Variants in CNTN4 observed in about 807,000 individuals in gnomAD.
CNTN4 encodes contactin 4.
A neutral mutation model predicts 122.5 loss-of-function variants in CNTN4; 77 were observed. The observed-to-expected ratio is 0.63, with a 90% CI of 0.52 to 0.76. CNTN4 has a LOEUF of 0.76. Ranked by LOEUF, CNTN4 falls within the 30% of genes least tolerant of loss-of-function variation. CNTN4 has a pLI of 0.00. For synonymous variants in CNTN4, 512 were observed against 447.0 expected (o/e 1.15, Z -1.83); for missense variants, 1,256 against 1,259.1 (o/e 1.00, Z 0.04).
intron 3 of CNTN4, among the ~76,000 whole-genome samples, chr3:2,528,649 G>T (rs1203944677): frequency 6.6e-6 from 1 of 152,098 alleles, no homozygotes; most frequent in Non-Finnish European, 1.5e-5. Flanking sequence ...ATTATAGGTG[G>T]TGGCTAAAGC....
chr3:2,785,656 C>G (rs1343083518), intron 6 of CNTN4, among the ~76,000 whole-genome samples: 1 of 152,174 alleles, frequency 6.6e-6, no homozygotes, highest in African/African-American at 2.4e-5. Context: ...GGAAACTCGA[C>G]AATGAGTGGT....
intron 3 of CNTN4, among the ~76,000 whole-genome samples, chr3:2,365,010 T>C (rs1042860102): frequency 6.6e-6 from 1 of 152,228 alleles, no homozygotes; most frequent in Admixed American, 6.5e-5. Flanking sequence ...AATACAATAC[T>C]TGATATTTCG....
chr3:2,288,533 T>C (rs1169411120), intron 2 of CNTN4, among the ~76,000 whole-genome samples: 1 of 152,140 alleles, frequency 6.6e-6, no homozygotes, highest in Non-Finnish European at 1.5e-5. Context: ...AGGATCGGAT[T>C]CAACATGAGA....
chr3:2,377,351 A>G (rs1421557166), intron 3 of CNTN4, among the ~76,000 whole-genome samples: 1 of 152,084 alleles, frequency 6.6e-6, no homozygotes, highest in Admixed American at 6.6e-5. Flanking sequence ...TCATTATACA[A>G]AGTATTAATA....
At chr3:2,800,317 T>G (rs2092317299) in intron 6 of CNTN4, among the ~76,000 whole-genome samples, 1 of 152,178 alleles carries the variant, frequency 6.6e-6, no homozygotes, top group Admixed American at 6.5e-5. Context: ...CTTTCTTCTC[T>G]CAAAATCTTA....
Position 2,175,907 on chromosome 3 carries a change from G to C in CNTN4, c.-145+75268G>C, listed in dbSNP as rs116829431. Among the ~76,000 whole-genome samples, 262 of 152,250 alleles carry C rather than the reference G, an allele frequency of 1.7e-3. 1 individual carries two copies. The highest frequency in any genetic ancestry group is 6.1e-3 in the African/African-American group (254 of 41,546). Reference sequence around the variant, plus strand: ...AATTCAATGTAAATAAAATAGTAGAGTTAGGAGAAGATTATCTGCCCTCTT... The same window carrying C: ...AATTCAATGTAAATAAAATAGTAGACTTAGGAGAAGATTATCTGCCCTCTT... On this transcript the variant is annotated intron_variant, in intron 2 of 24. Coordinates refer to ENST00000418658, the MANE Select transcript of CNTN4 (RefSeq NM_175607.3).
At chr3:2,400,807 A>G (rs1369940797) in intron 3 of CNTN4, among the ~76,000 whole-genome samples, 3 of 151,458 alleles carry the variant, frequency 2.0e-5, no homozygotes, top group South Asian at 2.1e-4. Context: ...TGTGCATAAT[A>G]GGAGAAATAC....
At chr3:2,390,652 A>G (rs992631877) in intron 3 of CNTN4, among the ~76,000 whole-genome samples, 2 of 152,214 alleles carry the variant, frequency 1.3e-5, no homozygotes, top group African/African-American at 4.8e-5. Context: ...CTATACAGCT[A>G]CTGGTTGATT....
chr3:2,534,537 C>G (rs2077724783), intron 3 of CNTN4, among the ~76,000 whole-genome samples: 1 of 151,964 alleles, frequency 6.6e-6, no homozygotes, highest in Non-Finnish European at 1.5e-5. Flanking sequence ...GGGCTTAGTG[C>G]TTTTTCTGAG....
At position 2,762,937 on chromosome 3, in the gene CNTN4, C is replaced by G. The variant is rs994901898; in HGVS notation, c.358+17240C>G. On this transcript the variant is annotated intron_variant, in intron 6 of 24. Transcript: ENST00000418658. ...TTTTCTAATGATCAGTGATGTCAAG[C>G]TTTTTTTTTTTTTTTTTTTTTTTAG... 4.1e-5 allele frequency among the ~76,000 whole-genome samples: 4 copies of G among 96,446 alleles called. No homozygotes were observed. In the Admixed American group the frequency reaches 4.9e-4, roughly 12 times the overall value. 63.3% of individuals were successfully genotyped at this position (96,446 alleles called of 152,430 possible). A position where few individuals can be genotyped will look rare whatever the true frequency, so the allele number is the denominator to read the frequency against.
intron 2 of CNTN4, among the ~76,000 whole-genome samples, chr3:2,175,370 C>G (rs1416393675): frequency 6.6e-6 from 1 of 152,086 alleles, no homozygotes; most frequent in Non-Finnish European, 1.5e-5. Context: ...CATCCTTCTC[C>G]TTAGTAATTT....
chr3:2,605,747 C>G, intron 4 of CNTN4, among the ~76,000 whole-genome samples: 1 of 152,154 alleles, frequency 6.6e-6, no homozygotes, highest in East Asian at 1.9e-4. Context: ...AGATGCCATT[C>G]ATTTATACCA....
At chr3:2,601,235 G>C (rs551251754) in intron 4 of CNTN4, among the ~76,000 whole-genome samples, 1 of 152,268 alleles carries the variant, frequency 6.6e-6, no homozygotes, top group East Asian at 1.9e-4. Context: ...TTTGGCTTTT[G>C]TTGCCATTGC....
chr3:2,626,020 T>C (rs2082171277), intron 4 of CNTN4, among the ~76,000 whole-genome samples: 1 of 152,214 alleles, frequency 6.6e-6, no homozygotes, highest in Non-Finnish European at 1.5e-5. Context: ...ATCTCAATAT[T>C]TTAATTTGCA....
At chr3:2,144,200 T>G (rs945668621) in intron 2 of CNTN4, 3 of 152,278 alleles carry the variant, frequency 2.0e-5, no homozygotes, top group Non-Finnish European at 2.9e-5. Flanking sequence ...GTTCACAATT[T>G]TAGTGTGGCC....
intron 14 of CNTN4, among the ~76,000 whole-genome samples, chr3:3,025,651 C>G (rs1324195892): frequency 6.6e-6 from 1 of 152,052 alleles, no homozygotes; most frequent in African/African-American, 2.4e-5. Flanking sequence ...ATTACCTGTG[C>G]TAAAACATTT....
intron 2 of CNTN4, among the ~76,000 whole-genome samples, chr3:2,291,091 G>A (rs1252971107): frequency 1.3e-5 from 2 of 151,910 alleles, no homozygotes; most frequent in Non-Finnish European, 2.9e-5. Context: ...TCTGTCCATG[G>A]CCACTGAGAA....
At chr3:2,297,843 A>G (rs912015702) in intron 2 of CNTN4, among the ~76,000 whole-genome samples, 1 of 152,020 alleles carries the variant, frequency 6.6e-6, no homozygotes, top group Non-Finnish European at 1.5e-5. Flanking sequence ...CAGTCCTCCC[A>G]TCTCAGCCTC....
chr3:2,853,324 A>G (rs2093577763), intron 7 of CNTN4, among the ~76,000 whole-genome samples: 1 of 152,104 alleles, frequency 6.6e-6, no homozygotes, highest in Non-Finnish European at 1.5e-5. Flanking sequence ...GGCTCACTGC[A>G]AGCTCCGCCT....
Sources: allele counts gnomAD v4.1 joint callset (sites outside exome capture counted in the v4.1 genomes callset), GRCh38; gene constraint gnomAD v4.1.1; transcripts MANE v1.5; gene names NCBI Gene and HGNC (gene_info 2026-07-23, HGNC 2026-07-21).